Variants in ACCSL observed in about 807,000 individuals in gnomAD.
ACCSL encodes 1-aminocyclopropane-1-carboxylate synthase homolog (inactive) like.
In ACCSL, 55 loss-of-function variants were observed where a neutral mutation model predicts 61.7. That is an observed-to-expected ratio of 0.89 (90% CI 0.72 to 1.12). The LOEUF is 1.12. Among genes scored for constraint, ACCSL ranks in the 50% most tolerant of loss-of-function variants. The probability of loss-of-function intolerance (pLI) is 0.00; values close to 1 mark genes in which losing one functional copy is unlikely to be tolerated. For missense variants in ACCSL, 632 were observed against 698.0 expected (o/e 0.91, Z 1.07); for synonymous variants, 258 against 264.3 (o/e 0.98, Z 0.23).
chr11:43,997,510 C>A, the ACCSL span, among the ~76,000 whole-genome samples: 1 of 152,220 alleles, frequency 6.6e-6, no homozygotes, highest in Non-Finnish European at 1.5e-5. Context: ...ATTTTCCATG[C>A]TGTTCTCTCC....
chr11:43,956,193 C>T, the ACCSL span, among the ~76,000 whole-genome samples: 4 of 151,762 alleles, frequency 2.6e-5, no homozygotes. Context: ...GAACACAGTT[C>T]GAACAGTTGG....
the ACCSL span, among the ~76,000 whole-genome samples, chr11:44,019,938 G>A: frequency 6.6e-6 from 1 of 152,182 alleles, no homozygotes; most frequent in Non-Finnish European, 1.5e-5. Context: ...ATGGTATAAG[G>A]TAGGGGTCTA....
chr11:44,041,082 C>T, the ACCSL span, among the ~76,000 whole-genome samples: 22 of 152,310 alleles, frequency 1.4e-4, 4 homozygotes, highest in Admixed American at 1.3e-3. Context: ...AGACCAGAGC[C>T]TGACTTGAGG....
chr11:44,046,985 T>A (rs779987967), upstream of ACCSL, among the ~76,000 whole-genome samples: 25 of 152,048 alleles, frequency 1.6e-4, 1 homozygote, highest in Admixed American at 3.3e-4. Flanking sequence ...CCACTGCAAT[T>A]CAGTCTGAGT....
At chr11:44,024,977 T>C in the ACCSL span, among the ~76,000 whole-genome samples, 4 of 152,148 alleles carry the variant, frequency 2.6e-5, no homozygotes, top group African/African-American at 7.2e-5. Flanking sequence ...TAAAGTCTAT[T>C]TTGTCTTACA....
chr11:43,971,825 G>A, the ACCSL span, among the ~76,000 whole-genome samples: 209 of 152,192 alleles, frequency 1.4e-3, no homozygotes, highest in African/African-American at 4.7e-3. Flanking sequence ...TCCACCAATC[G>A]TGCTGCCTCT....
At chr11:44,052,798 C>A (rs1952647886) in intron 6 of ACCSL, 39 bp downstream of exon 6, 6 of 1,577,758 alleles carry the variant, frequency 3.8e-6, no homozygotes, top group South Asian at 2.2e-5. Flanking sequence ...TATGCCTAGA[C>A]AATGGACTGT....
chr11:44,059,864 C>A lies in ACCSL; in HGVS notation c.1651C>A (p.Gln551Lys). The stretch of plus-strand genomic sequence containing the variant: ...TATGCGTCGGTTCTGTGATGTGCTG[C>A]AGGAGCAGAAGGAGGCTTTGATAGT... The part of the protein sequence containing the change: ...LAMRRFCDVL[Q>K]EQKEALIVKQ... Residue 551 changes from glutamine to lysine, a missense_variant, in exon 14 of 14, where the codon CAG (glutamine) becomes AAG (lysine). Coordinates refer to ENST00000378832, the MANE Select transcript of ACCSL (RefSeq NM_001031854.2). 6.2e-7 allele frequency: 1 copy of A among 1,613,878 alleles called. No homozygotes were observed. The highest frequency in any genetic ancestry group is 8.5e-7 in the Non-Finnish European group (1 of 1,179,842).
At chr11:44,026,403 T>C in the ACCSL span, among the ~76,000 whole-genome samples, 12 of 152,234 alleles carry the variant, frequency 7.9e-5, no homozygotes, top group Non-Finnish European at 1.6e-4. Flanking sequence ...TCTTTATTGA[T>C]ATTCTCTATT....
At chr11:44,025,151 A>G in the ACCSL span, among the ~76,000 whole-genome samples, 1 of 152,088 alleles carries the variant, frequency 6.6e-6, no homozygotes, top group African/African-American at 2.4e-5. Context: ...TATTTAATCC[A>G]TTTACATTAT....
At chr11:43,951,474 C>T in the ACCSL span, among the ~76,000 whole-genome samples, 1 of 152,206 alleles carries the variant, frequency 6.6e-6, no homozygotes, top group Non-Finnish European at 1.5e-5. Context: ...CTCCAGACCT[C>T]TGGGGAGAAG....
chr11:43,954,588 CTTT>C, the ACCSL span, among the ~76,000 whole-genome samples: 1 of 145,652 alleles, frequency 6.9e-6, no homozygotes. Context: ...TTCTTTCTTT[CTTT>C]TTTTTTTTTT....
At chr11:44,002,732 A>C in the ACCSL span, among the ~76,000 whole-genome samples, 2 of 152,178 alleles carry the variant, frequency 1.3e-5, no homozygotes, top group East Asian at 3.9e-4. Context: ...GGAGCTATTT[A>C]ACCTCTCTGA....
chr11:44,010,270 G>A, the ACCSL span, among the ~76,000 whole-genome samples: 1 of 152,152 alleles, frequency 6.6e-6, no homozygotes, highest in Non-Finnish European at 1.5e-5. Context: ...AATCTGGGAG[G>A]CGGAGGTTGC....
chr11:43,967,827 A>G, the ACCSL span, among the ~76,000 whole-genome samples: 1 of 152,114 alleles, frequency 6.6e-6, no homozygotes, highest in East Asian at 1.9e-4. Flanking sequence ...AGGGAATGGA[A>G]TTTTGCCAGC....
At chr11:43,957,908 C>CG in the ACCSL span, among the ~76,000 whole-genome samples, 285 of 152,242 alleles carry the variant, frequency 1.9e-3, 2 homozygotes, top group African/African-American at 6.4e-3. Context: ...CTTGGTCAAG[C>CG]GGGGGGTCCA....
chr11:43,921,233 A>G, the ACCSL span: 1 of 152,226 alleles, frequency 6.6e-6, no homozygotes, highest in Admixed American at 6.5e-5. Context: ...GATGCTGTCC[A>G]TGATCATAGG....
the ACCSL span, chr11:43,921,195 T>A: frequency 6.6e-6 from 1 of 152,270 alleles, no homozygotes; most frequent in Non-Finnish European, 1.5e-5. Flanking sequence ...TTGCTTTTTA[T>A]CCTGTTTCCA....
the ACCSL span, among the ~76,000 whole-genome samples, chr11:43,966,377 G>T: frequency 6.1e-5 from 9 of 148,548 alleles, no homozygotes; most frequent in South Asian, 1.3e-3. Context: ...AGTCAGCTGA[G>T]ATCGTGCCAC....
Sources: allele counts gnomAD v4.1 joint callset (sites outside exome capture counted in the v4.1 genomes callset), GRCh38; gene constraint gnomAD v4.1.1; transcripts MANE v1.5; gene names NCBI Gene and HGNC (gene_info 2026-07-23, HGNC 2026-07-21).